Variants in PCDHAC1 observed in about 807,000 individuals in gnomAD.
The protein encoded by PCDHAC1 is protocadherin alpha subfamily C, 1.
Under a neutral mutation model 60.0 loss-of-function variants are expected in PCDHAC1, and 42 were observed. The ratio of observed to expected loss-of-function variants is 0.70; its 90% CI spans 0.55 to 0.90. PCDHAC1 has a LOEUF of 0.90. Among genes scored for constraint, PCDHAC1 ranks in the 40% least tolerant of loss-of-function variants. The pLI is 0.00. For synonymous variants in PCDHAC1, 468 were observed against 499.3 expected, an observed-to-expected ratio of 0.94 and a Z score of 0.84; for missense variants, 1,160 against 1,222.3, an observed-to-expected ratio of 0.95 and a Z score of 0.76.
At chr5:140,984,581 C>G (rs141574202) in intron 3 of PCDHAC1, among the ~76,000 whole-genome samples, 5 of 152,158 alleles carry the variant, frequency 3.3e-5, no homozygotes, top group African/African-American at 1.2e-4. Context: ...GCAACCTAAT[C>G]ATACTTTTCA....
At chr5:140,942,950 T>G (rs1461424409) in intron 1 of PCDHAC1, among the ~76,000 whole-genome samples, 1 of 151,716 alleles carries the variant, frequency 6.6e-6, no homozygotes, top group Non-Finnish European at 1.5e-5. Context: ...AGTGTAGACG[T>G]TCTGTTATCA....
At position 140,926,742 on chromosome 5, in the gene PCDHAC1, C is replaced by G. The variant is rs1454782151; in HGVS notation, c.-151C>G. The G allele has an allele frequency of 1.7e-6, 2 of 1,199,338 alleles. No homozygotes were observed. Among genetic ancestry groups the G allele is most frequent in the East Asian group, 5.8e-5 (2 of 34,286 alleles). 74.3% of individuals were successfully genotyped at this position (1,199,338 alleles called of 1,614,324 possible). A position where few individuals can be genotyped will look rare whatever the true frequency, so the allele number is the denominator to read the frequency against. On this transcript the variant is annotated 5_prime_UTR_variant, in exon 1 of 4. Coordinates refer to ENST00000253807, the MANE Select transcript of PCDHAC1 (RefSeq NM_018898.5). Reference sequence around the variant, plus strand: ...CAATGCCGGCGTTCGGGAGGCGCAACGTCGGCGGTCGCTGAGTATCCAGCC... The same window carrying G: ...CAATGCCGGCGTTCGGGAGGCGCAAGGTCGGCGGTCGCTGAGTATCCAGCC...
In PCDHAC1 at chr5:140,981,654, ATTTCTTCCTTCC is replaced by A. The variant is rs563193906; in HGVS notation, c.2493-807_2493-796del. Among the ~76,000 whole-genome samples the A allele has an allele frequency of 1.4e-4, 22 of 152,142 alleles. No individual in the cohort carries two copies. In the East Asian group the frequency reaches 3.9e-3, roughly 27 times the overall value. On this transcript the variant is annotated intron_variant, in intron 2 of 3. Coordinates refer to ENST00000253807, the MANE Select transcript of PCDHAC1 (RefSeq NM_018898.5). ...GACATTTTCTCTTAGGATCCCACTTATTTCTTCCTTCCTTTCTTCCTTCCTCCCTTCCATCAT... is the reference window on the plus strand; with the variant it reads ...GACATTTTCTCTTAGGATCCCACTTATTTCTTCCTTCCTCCCTTCCATCAT...
intron 1 of PCDHAC1, among the ~76,000 whole-genome samples, chr5:140,938,931 A>T (rs1371527205): frequency 6.6e-6 from 1 of 152,044 alleles, no homozygotes; most frequent in African/African-American, 2.4e-5. Context: ...TTGGCTTTTA[A>T]CTTTCCATTC....
At chr5:140,978,485 A>G (rs992352505) in intron 1 of PCDHAC1, among the ~76,000 whole-genome samples, 2 of 152,264 alleles carry the variant, frequency 1.3e-5, no homozygotes, top group Admixed American at 1.3e-4. Flanking sequence ...CAGTCTGCAA[A>G]GCCAGCAGCA....
chr5:140,994,358 G>A (rs2097616894), intron 3 of PCDHAC1, among the ~76,000 whole-genome samples: 1 of 152,162 alleles, frequency 6.6e-6, no homozygotes, highest in Admixed American at 6.5e-5. Flanking sequence ...GACCTCAGAA[G>A]ATGGAATTGG....
At chr5:140,938,937 C>T (rs1302555937) in intron 1 of PCDHAC1, among the ~76,000 whole-genome samples, 4 of 152,070 alleles carry the variant, frequency 2.6e-5, no homozygotes, top group African/African-American at 9.7e-5. Context: ...TTTAACTTTC[C>T]ATTCTTATAA....
chr5:141,004,163 G>A (rs374407159), intron 3 of PCDHAC1, among the ~76,000 whole-genome samples: 3 of 152,234 alleles, frequency 2.0e-5, no homozygotes, highest in African/African-American at 7.2e-5. Context: ...TATAGGCAAA[G>A]CCAGCCAAGT....
At chr5:140,972,101 A>C (rs114554334) in intron 1 of PCDHAC1, among the ~76,000 whole-genome samples, 3,080 of 152,290 alleles carry the variant, frequency 0.02, 42 homozygotes, top group Middle Eastern at 0.075. Flanking sequence ...CTGGCATAGA[A>C]GCAGGTAACA....
At chr5:140,941,255 C>CTTTCTT (rs782490896) in intron 1 of PCDHAC1, among the ~76,000 whole-genome samples, 957 of 44,428 alleles carry the variant, frequency 0.022, 12 homozygotes, top group African/African-American at 0.028. Flanking sequence ...TTCTTTCTTT[C>CTTTCTT]TCTTTCTTTC....
At chr5:140,936,007 C>G (rs1338541274) in intron 1 of PCDHAC1, among the ~76,000 whole-genome samples, 3 of 151,820 alleles carry the variant, frequency 2.0e-5, no homozygotes, top group African/African-American at 7.3e-5. Flanking sequence ...ATTCTCCCAC[C>G]TCAGCCTCCC....
chr5:141,008,515 A>G (rs1430400139), intron 3 of PCDHAC1, among the ~76,000 whole-genome samples: 1 of 152,126 alleles, frequency 6.6e-6, no homozygotes, highest in Non-Finnish European at 1.5e-5. Context: ...GTGTCTTCCA[A>G]TCAGACTCTT....
chr5:140,987,266 C>T (rs2097244603), intron 3 of PCDHAC1, among the ~76,000 whole-genome samples: 1 of 151,752 alleles, frequency 6.6e-6, no homozygotes, highest in African/African-American at 2.4e-5. Context: ...AGGAATGGGA[C>T]CCGGCAGTCT....
intron 1 of PCDHAC1, chr5:140,968,689 A>T: frequency 2.5e-6 from 4 of 1,614,124 alleles, no homozygotes; most frequent in Non-Finnish European, 3.4e-6. Context: ...ACACAGGAGA[A>T]ATTAGGACTA....
Position 140,932,015 on chromosome 5 carries a change from C to T in PCDHAC1, c.2433+2690C>T, listed in dbSNP as rs150185692. Reference sequence around the variant, plus strand: ...TTCTAAGTTCTTTCATTTTAGTTTACGGTAAGTTTACAGTATATATTAACA... The same window carrying T: ...TTCTAAGTTCTTTCATTTTAGTTTATGGTAAGTTTACAGTATATATTAACA... On this transcript the variant is annotated intron_variant, in intron 1 of 3. Coordinates refer to ENST00000253807, the MANE Select transcript of PCDHAC1 (RefSeq NM_018898.5). Among the ~76,000 whole-genome samples, 8 of 151,784 alleles carry T rather than the reference C, an allele frequency of 5.3e-5. No homozygotes were observed. The East Asian group carries it at 5.8e-4, about 11-fold the overall frequency.
intron 1 of PCDHAC1, among the ~76,000 whole-genome samples, chr5:140,969,881 G>A (rs1554232131): frequency 6.6e-6 from 1 of 152,196 alleles, no homozygotes; most frequent in African/African-American, 2.4e-5. Context: ...CTATGTGATA[G>A]GATCCTCTGG....
chr5:140,950,668 T>C (rs185130303), intron 1 of PCDHAC1, among the ~76,000 whole-genome samples: 5 of 152,238 alleles, frequency 3.3e-5, no homozygotes, highest in African/African-American at 9.6e-5. Flanking sequence ...TTATCAAACA[T>C]GTACATGTAT....
chr5:140,970,427 GGTGTTA>G (rs1442614278), intron 1 of PCDHAC1, among the ~76,000 whole-genome samples: 6 of 152,192 alleles, frequency 3.9e-5, no homozygotes, highest in Admixed American at 3.3e-4. Context: ...TGTAGAGGCA[GGTGTTA>G]GTATATGCAC....
At chr5:140,995,924 G>T (rs998405229) in intron 3 of PCDHAC1, among the ~76,000 whole-genome samples, 2 of 152,308 alleles carry the variant, frequency 1.3e-5, no homozygotes, top group African/African-American at 4.8e-5. Flanking sequence ...ATAGGCTGTT[G>T]TAAGTATTAA....
Sources: gnomAD v4.1 joint callset for allele counts (sites outside exome capture counted in the v4.1 genomes callset) on GRCh38, gnomAD v4.1.1 for gene constraint, MANE v1.5 for transcripts, NCBI Gene and HGNC (gene_info 2026-07-23, HGNC 2026-07-21) for gene names.